Variants in SORBS3 observed in about 807,000 individuals in gnomAD.
The protein encoded by SORBS3 is vinexin.
In SORBS3, 69 loss-of-function variants were observed where a neutral mutation model predicts 98.0. That is an observed-to-expected ratio of 0.70 (90% CI 0.58 to 0.86). The LOEUF (loss-of-function observed/expected upper bound fraction) is 0.86, where lower values mean the gene tolerates loss of function less well. Ranked by LOEUF, SORBS3 falls within the 40% of genes least tolerant of loss-of-function variation. The probability of loss-of-function intolerance (pLI) is 0.00; values close to 1 mark genes in which losing one functional copy is unlikely to be tolerated. For synonymous variants in SORBS3, 394 were observed against 355.4 expected (o/e 1.11, Z -1.22); for missense variants, 954 against 908.5 (o/e 1.05, Z -0.64).
At chr8:22,573,892 G>A (rs1840655093) in intron 20 of SORBS3, among the ~76,000 whole-genome samples, 1 of 152,206 alleles carries the variant, frequency 6.6e-6, no homozygotes, top group African/African-American at 2.4e-5. Flanking sequence ...ACCAGCTGGG[G>A]GGTGTGGGGA....
chr8:22,568,388 T>G (rs1244314142), intron 16 of SORBS3, among the ~76,000 whole-genome samples: 1 of 152,252 alleles, frequency 6.6e-6, no homozygotes, highest in Middle Eastern at 3.2e-3. Flanking sequence ...CATTTTTCCC[T>G]AGAATGCTGC....
intron 10 of SORBS3, chr8:22,564,845 A>C: frequency 8.2e-7 from 1 of 1,222,082 alleles, no homozygotes; most frequent in Non-Finnish European, 1.0e-6. Context: ...GAAGACCCAT[A>C]GCAGAGGCTG....
chr8:22,565,611 G>A (rs1056931734), intron 11 of SORBS3: 2 of 809,290 alleles, frequency 2.5e-6, no homozygotes, highest in African/African-American at 1.8e-5. Context: ...CCGGGCGCCC[G>A]CCCCGTCCGG....
At chr8:22,564,197 G>A (rs975904334) in intron 8 of SORBS3, 86 bp from the exon 9 acceptor site, 39 of 1,483,768 alleles carry the variant, frequency 2.6e-5, no homozygotes, top group South Asian at 2.2e-4. Context: ...CAGGGGAAGG[G>A]CAGGGGCCTG....
Sources: allele counts gnomAD v4.1 joint callset (sites outside exome capture counted in the v4.1 genomes callset), GRCh38; gene constraint gnomAD v4.1.1; transcripts MANE v1.5; gene names NCBI Gene and HGNC (gene_info 2026-07-23, HGNC 2026-07-21).